CPNE5: variants seen among roughly 807,000 people sequenced by gnomAD.
The protein encoded by CPNE5 is copine-5.
In CPNE5, 42 loss-of-function variants were observed where a neutral mutation model predicts 81.1. The observed-to-expected ratio is 0.52, with a 90% CI of 0.40 to 0.67. The LOEUF (loss-of-function observed/expected upper bound fraction) is 0.67. Among genes scored for constraint, CPNE5 ranks in the 30% least tolerant of loss-of-function variants. The pLI is 0.00. For missense variants in CPNE5, 612 were observed against 815.5 expected (o/e 0.75, Z 3.04); for synonymous variants, 313 against 321.5 (o/e 0.97, Z 0.28).
intron 12 of CPNE5, among the ~76,000 whole-genome samples, chr6:36,761,836 G>T (rs146847545): frequency 1.2e-4 from 19 of 152,310 alleles, no homozygotes; most frequent in Non-Finnish European, 2.5e-4. Flanking sequence ...AGTGGGTTTG[G>T]CATGAACCAT....
At chr6:36,750,970 C>G (rs76008634) in intron 14 of CPNE5, among the ~76,000 whole-genome samples, 1 of 152,184 alleles carries the variant, frequency 6.6e-6, no homozygotes, top group Non-Finnish European at 1.5e-5. Flanking sequence ...AAGGGTAGAA[C>G]ACAGGCTGCT....
chr6:36,798,549 T>C, intron 4 of CPNE5, 55 bp from the exon 5 acceptor site: 1 of 1,568,688 alleles, frequency 6.4e-7, no homozygotes, highest in Non-Finnish European at 8.8e-7. Context: ...TGCCCAATCC[T>C]GCCTGGGTTC....
chr6:36,794,497 G>A, intron 7 of CPNE5, 93 bp downstream of exon 7: 1 of 1,204,328 alleles, frequency 8.3e-7, no homozygotes, highest in Non-Finnish European at 1.2e-6. Context: ...TCGCAGTGAT[G>A]GGAGCAGGGA....
intron 7 of CPNE5, among the ~76,000 whole-genome samples, 190 bp downstream of exon 7, chr6:36,794,399 GC>G (rs1769377178): frequency 6.6e-6 from 1 of 152,172 alleles, no homozygotes; most frequent in African/African-American, 2.4e-5. Flanking sequence ...GGGGCCCACT[GC>G]CGAGTGGGGG....
intron 10 of CPNE5, among the ~76,000 whole-genome samples, chr6:36,770,848 T>C (rs925049587): frequency 6.6e-6 from 1 of 152,058 alleles, no homozygotes; most frequent in African/African-American, 2.4e-5. Context: ...CTTTATAACT[T>C]AAGAAGGATA....
intron 3 of CPNE5, among the ~76,000 whole-genome samples, chr6:36,816,561 G>A (rs1265761689): frequency 6.6e-6 from 1 of 152,168 alleles, no homozygotes; most frequent in African/African-American, 2.4e-5. Context: ...ACAAGATTCT[G>A]GTAACAGAGA....
At chr6:36,804,281 C>T (rs1221377945) in intron 3 of CPNE5, among the ~76,000 whole-genome samples, 1 of 152,120 alleles carries the variant, frequency 6.6e-6, no homozygotes, top group Non-Finnish European at 1.5e-5. Flanking sequence ...GTACAAGTCC[C>T]AGTATGTGTC....
intron 9 of CPNE5, among the ~76,000 whole-genome samples, chr6:36,777,998 C>T (rs916518445): frequency 6.6e-6 from 1 of 152,158 alleles, no homozygotes; most frequent in Non-Finnish European, 1.5e-5. Context: ...TCTAATTAAC[C>T]TCCCTGGCCC....
rs1439668139 is a variant in CPNE5, at chr6:36,766,660, C to A, written c.738-1284G>T. Among the ~76,000 whole-genome samples, 1 of 152,120 alleles carries A rather than the reference C, an allele frequency of 6.6e-6. No individual in the cohort carries two copies. Among genetic ancestry groups the A allele is most frequent in the East Asian group, 1.9e-4 (1 of 5,198 alleles). On this transcript the variant is annotated intron_variant, in intron 10 of 20. Coordinates refer to ENST00000244751, the MANE Select transcript of CPNE5 (RefSeq NM_020939.2). The surrounding 1 kb of genome is among the most constrained non-coding windows in gnomAD (Gnocchi z 4.2). ...GGACGGCCCTACGCTTGGACCTGGG[C>A]CCCTCACTATGGGACCTGAGATGTC...
At chr6:36,772,851 G>T (rs970471032) in intron 10 of CPNE5, among the ~76,000 whole-genome samples, 10 of 151,910 alleles carry the variant, frequency 6.6e-5, no homozygotes, top group Middle Eastern at 3.4e-3. Context: ...TGTCTTTAAG[G>T]TTTTCTTTTT....
At chr6:36,792,924 C>A (rs59135960) in intron 7 of CPNE5, among the ~76,000 whole-genome samples, 20,082 of 152,082 alleles carry the variant, frequency 0.13, 1,439 homozygotes, top group Middle Eastern at 0.21. Flanking sequence ...AAAATGTCGG[C>A]TTGTCCAGCA....
rs540218739 is a variant in CPNE5 at position 36,813,645 on chromosome 6, C to T, written c.183+8469G>A. 2.2e-4 allele frequency among the ~76,000 whole-genome samples: 33 copies of T among 152,286 alleles called. No homozygotes were observed. The South Asian group carries it at 3.3e-3, about 15-fold the overall frequency. On this transcript the variant is annotated intron_variant, in intron 3 of 20. Coordinates refer to ENST00000244751, the MANE Select transcript of CPNE5 (RefSeq NM_020939.2). ...ATCTGAACCTGATGACCTCTGTGAC[C>T]GTATTGTCCACTTTCTTAATTGTTC...
At chr6:36,757,574 C>T (rs1218546902) in intron 12 of CPNE5, among the ~76,000 whole-genome samples, 2 of 152,168 alleles carry the variant, frequency 1.3e-5, no homozygotes, top group Non-Finnish European at 2.9e-5. Flanking sequence ...CTTTGACATA[C>T]ATTTATGGGG....
intron 19 of CPNE5, 122 bp from the exon 20 acceptor site, chr6:36,743,884 C>A: frequency 1.2e-6 from 1 of 856,842 alleles, no homozygotes; most frequent in South Asian, 1.5e-5. Flanking sequence ...TGGCCCATGC[C>A]CCGTGTTAGA....
intron 12 of CPNE5, among the ~76,000 whole-genome samples, chr6:36,762,278 A>G (rs1245447703): frequency 2.7e-5 from 4 of 147,818 alleles, no homozygotes; most frequent in Non-Finnish European, 4.4e-5. Flanking sequence ...GCATACACAC[A>G]CACGCACGCG....
chr6:36,810,333 A>G (rs1476524778), intron 3 of CPNE5, among the ~76,000 whole-genome samples: 2 of 152,164 alleles, frequency 1.3e-5, no homozygotes, highest in Non-Finnish European at 2.9e-5. Flanking sequence ...ACCCTTCCCC[A>G]GCCGTAGATC....
chr6:36,771,157 G>T (rs546897175), intron 10 of CPNE5, among the ~76,000 whole-genome samples: 1 of 152,300 alleles, frequency 6.6e-6, no homozygotes, highest in Admixed American at 6.5e-5. Flanking sequence ...AATCCAAGCA[G>T]CTTCCCTACC....
chr6:36,752,914 C>A, intron 14 of CPNE5, 120 bp downstream of exon 14: 1 of 764,768 alleles, frequency 1.3e-6, no homozygotes, highest in Admixed American at 2.1e-5. Flanking sequence ...CAGAGCCCAG[C>A]ACCACAGCCT....
intron 19 of CPNE5, 102 bp from the exon 20 acceptor site, chr6:36,743,864 C>T (rs1562080630): frequency 6.8e-6 from 7 of 1,030,614 alleles, no homozygotes; most frequent in Non-Finnish European, 1.0e-5. Flanking sequence ...CAATCCAGGG[C>T]CGAGACCACT....
Sources: gnomAD v4.1 joint callset for allele counts (sites outside exome capture counted in the v4.1 genomes callset) on GRCh38, gnomAD v4.1.1 for gene constraint, Gnocchi (gnomAD v3.1) non-coding constraint, MANE v1.5 for transcripts, NCBI Gene and HGNC (gene_info 2026-07-23, HGNC 2026-07-21) for gene names.